Variants in OSBPL1A observed in about 807,000 individuals in gnomAD.
OSBPL1A encodes the protein oxysterol binding protein like 1A.
OSBPL1A carries 80 observed loss-of-function variants against 137.1 expected under a neutral mutation model. The observed-to-expected ratio is 0.58, with a 90% CI of 0.49 to 0.70. The LOEUF is 0.70. OSBPL1A is among the 30% of genes least tolerant of loss of function. The pLI, the probability that OSBPL1A is intolerant of heterozygous loss-of-function variation, is 0.00. For synonymous variants in OSBPL1A, 365 were observed against 389.7 expected (o/e 0.94, Z 0.75); for missense variants, 970 against 1,129.4 (o/e 0.86, Z 2.02).
At chr18:24,247,453 T>C (rs577534304) in intron 15 of OSBPL1A, among the ~76,000 whole-genome samples, 33 of 152,090 alleles carry the variant, frequency 2.2e-4, no homozygotes, top group African/African-American at 8.0e-4. Flanking sequence ...CTTAAGAAGG[T>C]TTTTGTTGGA....
intron 14 of OSBPL1A, among the ~76,000 whole-genome samples, chr18:24,294,235 G>A (rs1284506198): frequency 1.3e-5 from 2 of 150,454 alleles, no homozygotes; most frequent in African/African-American, 4.9e-5. Flanking sequence ...TTTTTTTGGT[G>A]GTGGTGTTGT....
At chr18:24,339,112 C>T (rs1029528793) in intron 5 of OSBPL1A, among the ~76,000 whole-genome samples, 1 of 152,146 alleles carries the variant, frequency 6.6e-6, no homozygotes, top group Non-Finnish European at 1.5e-5. Context: ...GCTGGGATTA[C>T]AGGTGTCCAC....
chr18:24,371,785 A>G (rs1001297424), intron 2 of OSBPL1A, among the ~76,000 whole-genome samples: 1 of 152,014 alleles, frequency 6.6e-6, no homozygotes, highest in Non-Finnish European at 1.5e-5. Flanking sequence ...ACTATCTTCA[A>G]TTTTTATCAA....
At chr18:24,358,528 G>C (rs1208635249) in intron 4 of OSBPL1A, 1 of 702,288 alleles carries the variant, frequency 1.4e-6, no homozygotes, top group Non-Finnish European at 2.6e-6. Context: ...CAAATTATAT[G>C]TATATATTTC....
intron 4 of OSBPL1A, among the ~76,000 whole-genome samples, chr18:24,345,523 T>TA (rs2091332858): frequency 6.6e-6 from 1 of 151,998 alleles, no homozygotes. Context: ...CCGTCTCTAT[T>TA]AAAAATAAAA....
At position 24,345,115 on chromosome 18, in the gene OSBPL1A, G is replaced by C. The variant is rs114114675; in HGVS notation, c.283-3457C>G. ...CTACAGGCATGAGCCACTGCACCCA[G>C]CTGAGAAGAATGTTTAAAAAAAAAT... On this transcript the variant is annotated intron_variant, in intron 4 of 27. Coordinates refer to ENST00000319481, the MANE Select transcript of OSBPL1A (RefSeq NM_080597.4). Among the ~76,000 whole-genome samples the C allele has an allele frequency of 8.7e-3, 1,321 of 151,724 alleles. 17 individuals are homozygous for C. The highest frequency in any genetic ancestry group is 0.031 in the African/African-American group (1,267 of 41,364).
chr18:24,326,315 G>C (rs1368096176), intron 7 of OSBPL1A, among the ~76,000 whole-genome samples: 1 of 152,182 alleles, frequency 6.6e-6, no homozygotes, highest in Non-Finnish European at 1.5e-5. Context: ...GACACTTTCT[G>C]AGGTGTCTGC....
At chr18:24,163,745 T>A (rs55848119) in intron 27 of OSBPL1A, among the ~76,000 whole-genome samples, 2 of 152,010 alleles carry the variant, frequency 1.3e-5, no homozygotes, top group South Asian at 2.1e-4. Flanking sequence ...TTTTTTTTTT[T>A]CTTTGAGAAG....
Position 24,163,297 on chromosome 18 carries a change from G to C in OSBPL1A, c.2751-16C>G. The C allele has an allele frequency of 6.4e-7, 1 of 1,556,344 alleles. No homozygotes were observed. Among genetic ancestry groups the C allele is most frequent in the South Asian group, 1.2e-5 (1 of 86,458 alleles). On this transcript the variant is annotated splice_polypyrimidine_tract_variant and intron_variant, in intron 27 of 27. Transcript: ENST00000319481. The stretch of plus-strand genomic sequence containing the variant: ...ATGGAACCACCTGTTAAAAGAAAAA[G>C]GACAAGACTTACAGGGGAAACTATG...
intron 7 of OSBPL1A, among the ~76,000 whole-genome samples, chr18:24,320,292 A>G (rs2090823497): frequency 6.6e-6 from 1 of 152,202 alleles, no homozygotes. Flanking sequence ...AAGGTGGGAA[A>G]GACAGATGAT....
At chr18:24,209,511 G>A (rs560505162) in intron 17 of OSBPL1A, among the ~76,000 whole-genome samples, 27 of 152,216 alleles carry the variant, frequency 1.8e-4, no homozygotes, top group African/African-American at 6.0e-4. Context: ...ACATCTCCCC[G>A]ATGACCCAAA....
rs1483828078 is a variant in OSBPL1A at position 24,162,471 on chromosome 18, T to C, written c.*708A>G. 1 of 152,254 alleles carries C rather than the reference T, an allele frequency of 6.6e-6. No individual in the cohort carries two copies. Among genetic ancestry groups the C allele is most frequent in the African/African-American group, 2.4e-5 (1 of 41,472 alleles). 9.4% of individuals were successfully genotyped at this position (152,254 alleles called of 1,614,324 possible). On this transcript the variant is annotated 3_prime_UTR_variant, in exon 28 of 28. Coordinates refer to ENST00000319481, the MANE Select transcript of OSBPL1A (RefSeq NM_080597.4). ...TGTGAATTGCTAGATTTTATACATA[T>C]TTTCAGTTCAAATGTAAACTTAACC... is the stretch of plus-strand genomic sequence containing the variant.
chr18:24,237,610 A>G (rs1261188635), intron 16 of OSBPL1A, among the ~76,000 whole-genome samples: 1 of 152,178 alleles, frequency 6.6e-6, no homozygotes, highest in Non-Finnish European at 1.5e-5. Flanking sequence ...CTGGTCATAA[A>G]GTTTTATTTT....
In OSBPL1A at chr18:24,311,985, T is replaced by A; in HGVS notation, c.1091A>T (p.Glu364Val). The A allele has an allele frequency of 1.2e-6, 2 of 1,614,022 alleles. No individual in the cohort carries two copies. Among genetic ancestry groups the A allele is most frequent in the Non-Finnish European group, 8.5e-7 (1 of 1,179,900 alleles). The change falls in exon 13 of 28, where the codon GAG becomes GTG. Residue 364 changes from glutamate (E) to valine (V), a missense_variant and splice_region_variant. Physicochemically the swap from Glu to Val is moderately radical, Grantham distance 121 (BLOSUM62 -2). Coordinates refer to ENST00000319481, the MANE Select transcript of OSBPL1A (RefSeq NM_080597.4). ...GTCAGGTTACATTTTCCTATTTACC[T>A]CTAATGATTTCTTCAGGTCTGCAGC... The part of the protein sequence containing the change: ...VSAADLKKSL[E>V]KAQSCQQRLD...
chr18:24,174,640 T>C (rs1157892763), intron 21 of OSBPL1A, among the ~76,000 whole-genome samples: 7 of 152,236 alleles, frequency 4.6e-5, no homozygotes, highest in Non-Finnish European at 7.3e-5. Context: ...ATTGTCAATG[T>C]TTACAATTAT....
At position 24,317,338 on chromosome 18, in the gene OSBPL1A, C is replaced by T. The variant is rs1255057329; in HGVS notation, c.795G>A (p.Trp265Ter). Reference protein sequence around the residue: ...WVVLEHGVLSWYRKQPDAVHN... With the variant: ...WVVLEHGVLS ...ATCATAATACTTACTGTTTCCTATA[C>T]CATGAAAGGACTCCATGCTCTAACA... Residue 265 changes from tryptophan to a stop codon, truncating the protein, a stop_gained, in exon 10 of 28, where the codon TGG (tryptophan) becomes TGA (stop). Coordinates refer to ENST00000319481, the MANE Select transcript of OSBPL1A (RefSeq NM_080597.4). LOFTEE classifies it high-confidence loss of function. 3 of 1,613,318 alleles carry T rather than the reference C, an allele frequency of 1.9e-6. No individual in the cohort carries two copies. Among genetic ancestry groups the T allele is most frequent in the Non-Finnish European group, 2.5e-6 (3 of 1,179,542 alleles).
intron 15 of OSBPL1A, among the ~76,000 whole-genome samples, chr18:24,255,777 G>A (rs560841015): frequency 8.0e-6 from 1 of 124,832 alleles, no homozygotes; most frequent in Non-Finnish European, 1.8e-5. Flanking sequence ...TTTTTTTTGA[G>A]ATGGAGTCTC....
At chr18:24,213,143 A>G (rs1172791933) in intron 17 of OSBPL1A, among the ~76,000 whole-genome samples, 2 of 152,212 alleles carry the variant, frequency 1.3e-5, no homozygotes, top group Non-Finnish European at 2.9e-5. Context: ...CTCTCCAACT[A>G]AAATTAGCGT....
chr18:24,209,237 T>C (rs911417100), intron 17 of OSBPL1A, among the ~76,000 whole-genome samples: 15 of 152,058 alleles, frequency 9.9e-5, no homozygotes, highest in African/African-American at 3.6e-4. Flanking sequence ...AAATCAATAA[T>C]ACAAAGACAT....
Sources: gnomAD v4.1 joint callset for allele counts (sites outside exome capture counted in the v4.1 genomes callset) on GRCh38, gnomAD v4.1.1 for gene constraint, MANE v1.5 for transcripts, NCBI Gene and HGNC (gene_info 2026-07-23, HGNC 2026-07-21) for gene names.